Variants in MRPL1 observed in about 807,000 individuals in gnomAD.
MRPL1 encodes the protein large ribosomal subunit protein uL1m.
A neutral mutation model predicts 38.0 loss-of-function variants in MRPL1; 28 were observed. That is an observed-to-expected ratio of 0.74 (90% confidence interval 0.55 to 1.01). The LOEUF (loss-of-function observed/expected upper bound fraction) is 1.01, where lower values mean the gene tolerates loss of function less well. MRPL1 is among the 50% of genes least tolerant of loss of function. The pLI, the probability that MRPL1 is intolerant of heterozygous loss-of-function variation, is 0.00. For missense variants in MRPL1, 358 were observed against 389.8 expected, an observed-to-expected ratio of 0.92 and a Z score of 0.69; for synonymous variants, 123 against 126.7, an observed-to-expected ratio of 0.97 and a Z score of 0.20.
At position 77,889,784 on chromosome 4, in the gene MRPL1, A is replaced by C. The variant is rs369150004; in HGVS notation, c.558+2493A>C. ...AAGAATCAAATAGACACAATAAAAA[A>C]TGATAAAGGGGATATCACCACCGAT... is the stretch of plus-strand genomic sequence containing the variant. On this transcript the variant is annotated intron_variant, in intron 5 of 8. Coordinates refer to ENST00000315567, the MANE Select transcript of MRPL1 (RefSeq NM_020236.4). Among the ~76,000 whole-genome samples the C allele has an allele frequency of 7.0e-4, 106 of 152,334 alleles. 1 individual carries two copies. In the South Asian group the frequency reaches 0.016, roughly 23 times the overall value.
Position 77,909,275 on chromosome 4 carries a change from G to A in MRPL1, c.680G>A (p.Gly227Asp). Reference sequence around the variant, plus strand: ...TACTTTTTCTAACTAGATTCCATTGGCCGTGACATCCCCAAAATGCTTGAA... The same window carrying A: ...TACTTTTTCTAACTAGATTCCATTGACCGTGACATCCCCAAAATGCTTGAA... ...KYPKLSRNSI[G>D]RDIPKMLELF... The change falls in exon 7 of 9, where the codon GGC becomes GAC. Residue 227 changes from glycine (G) to aspartate (D), a missense_variant. Gly to Asp is a moderately conservative substitution (Grantham distance 94). Transcript: ENST00000315567. 6.2e-7 allele frequency: 1 copy of A among 1,604,498 alleles called. No homozygotes were observed. The highest frequency in any genetic ancestry group is 8.5e-7 in the Non-Finnish European group (1 of 1,173,776).
chr4:77,869,902 T>C (rs1450340612), intron 1 of MRPL1, among the ~76,000 whole-genome samples: 1 of 151,390 alleles, frequency 6.6e-6, no homozygotes, highest in Non-Finnish European at 1.5e-5. Context: ...GTTTTGTTTT[T>C]TTGAGACAGG....
At chr4:77,916,112 A>G (rs535731370) in intron 7 of MRPL1, among the ~76,000 whole-genome samples, 1 of 152,202 alleles carries the variant, frequency 6.6e-6, no homozygotes, top group African/African-American at 2.4e-5. Context: ...TTCTCAAAAA[A>G]TGAATTTGAG....
intron 7 of MRPL1, among the ~76,000 whole-genome samples, chr4:77,910,973 CAT>C (rs1736274318): frequency 6.6e-6 from 1 of 152,080 alleles, no homozygotes; most frequent in Non-Finnish European, 1.5e-5. Context: ...ACAAATGAAA[CAT>C]AAAATACAAA....
At chr4:77,941,855 T>C (rs180707229) in intron 7 of MRPL1, among the ~76,000 whole-genome samples, 93 of 152,288 alleles carry the variant, frequency 6.1e-4, no homozygotes, top group African/African-American at 2.1e-3. Flanking sequence ...GTTTTTTGTT[T>C]GTTTGTTTCC....
chr4:77,948,097 G>T (rs973930479), intron 7 of MRPL1, among the ~76,000 whole-genome samples: 1 of 152,144 alleles, frequency 6.6e-6, no homozygotes, highest in African/African-American at 2.4e-5. Flanking sequence ...AATCTGAGAA[G>T]TTTAATGTAT....
intron 1 of MRPL1, 199 bp downstream of exon 1, chr4:77,863,078 C>T (rs1431587070): frequency 1.6e-6 from 1 of 632,364 alleles, no homozygotes; most frequent in Non-Finnish European, 2.7e-6. Context: ...GACGTCCACC[C>T]TGAGGGAGGG....
chr4:77,913,295 GAACTGTCAAA>G (rs1372795869), intron 7 of MRPL1, among the ~76,000 whole-genome samples: 1 of 151,970 alleles, frequency 6.6e-6, no homozygotes, highest in African/African-American at 2.4e-5. Context: ...AATATATAAA[GAACTGTCAAA>G]AACTCAATAA....
chr4:77,892,127 C>CT (rs34043885), intron 5 of MRPL1, among the ~76,000 whole-genome samples: 174 of 145,028 alleles, frequency 1.2e-3, no homozygotes, highest in African/African-American at 3.3e-3. Flanking sequence ...GTAGTCATTT[C>CT]TTTTTTTTTT....
At chr4:77,869,439 CAT>C (rs1259966496) in intron 1 of MRPL1, among the ~76,000 whole-genome samples, 3 of 152,126 alleles carry the variant, frequency 2.0e-5, no homozygotes, top group East Asian at 1.9e-4. Context: ...GGATTGAAAA[CAT>C]AGATATCATG....
chr4:77,936,029 A>T (rs1736966405), intron 7 of MRPL1, among the ~76,000 whole-genome samples: 1 of 151,832 alleles, frequency 6.6e-6, no homozygotes, highest in African/African-American at 2.4e-5. Context: ...TAATTTTTTT[A>T]TTAAGAGGTA....
chr4:77,932,719 G>A (rs2110260368), intron 7 of MRPL1, among the ~76,000 whole-genome samples: 1 of 152,100 alleles, frequency 6.6e-6, no homozygotes, highest in Middle Eastern at 3.4e-3. Context: ...AGCATGGTGA[G>A]TTATATAATT....
intron 6 of MRPL1, among the ~76,000 whole-genome samples, chr4:77,900,867 C>T (rs780783126): frequency 6.6e-5 from 10 of 151,794 alleles, no homozygotes; most frequent in East Asian, 1.9e-4. Context: ...AGCGAGGAGG[C>T]GATTACAGTA....
At chr4:77,862,953 G>T (rs368154454) in intron 1 of MRPL1, 74 bp downstream of exon 1, 284 of 1,572,544 alleles carry the variant, frequency 1.8e-4, no homozygotes, top group Admixed American at 5.5e-4. Flanking sequence ...GTGCAAGGCG[G>T]ATTCTGCTCT....
intron 6 of MRPL1, among the ~76,000 whole-genome samples, chr4:77,895,658 C>G (rs933630150): frequency 6.6e-6 from 1 of 152,098 alleles, no homozygotes; most frequent in Admixed American, 6.6e-5. Context: ...ATCCTAGCCA[C>G]TAACAACTTG....
At chr4:77,902,321 C>T (rs1252232440) in intron 6 of MRPL1, among the ~76,000 whole-genome samples, 1 of 145,286 alleles carries the variant, frequency 6.9e-6, no homozygotes, top group Non-Finnish European at 1.5e-5. Context: ...TGGCAGTGCT[C>T]TATGATTGTG....
chr4:77,945,121 C>T (rs531739547), intron 7 of MRPL1, among the ~76,000 whole-genome samples: 1 of 143,308 alleles, frequency 7.0e-6, no homozygotes, highest in South Asian at 2.3e-4. Flanking sequence ...AACAGAGCTG[C>T]ACCATCAATT....
intron 5 of MRPL1, among the ~76,000 whole-genome samples, chr4:77,892,886 T>A (rs1327625813): frequency 2.0e-5 from 3 of 152,242 alleles, no homozygotes; most frequent in Non-Finnish European, 4.4e-5. Flanking sequence ...TCAAGGTTTG[T>A]TATGAAGACT....
chr4:77,891,332 T>C (rs1345979141), intron 5 of MRPL1, among the ~76,000 whole-genome samples: 1 of 151,442 alleles, frequency 6.6e-6, no homozygotes, highest in Non-Finnish European at 1.5e-5. Flanking sequence ...AGCCACTCCT[T>C]TGGTTCAGTT....
Sources: gnomAD v4.1 joint callset for allele counts (sites outside exome capture counted in the v4.1 genomes callset) on GRCh38, gnomAD v4.1.1 for gene constraint, MANE v1.5 for transcripts, NCBI Gene and HGNC (gene_info 2026-07-23, HGNC 2026-07-21) for gene names.